Variants in SLC7A5 observed in about 807,000 individuals in gnomAD.
SLC7A5 encodes large neutral amino acids transporter small subunit 1.
Under a neutral mutation model 50.2 loss-of-function variants are expected in SLC7A5, and 23 were observed. The observed-to-expected ratio is 0.46, with a 90% CI of 0.33 to 0.65. The LOEUF (loss-of-function observed/expected upper bound fraction) is 0.65, where lower values mean the gene tolerates loss of function less well. Among genes scored for constraint, SLC7A5 ranks in the 30% least tolerant of loss-of-function variants. The pLI, the probability that SLC7A5 is intolerant of heterozygous loss-of-function variation, is 0.02. For synonymous variants in SLC7A5, 393 were observed against 330.6 expected (o/e 1.19, Z -2.05); for missense variants, 578 against 684.4 (o/e 0.84, Z 1.73).
rs2055388126 is a variant in SLC7A5 at position 87,860,781 on chromosome 16, C to G, written c.538+8104G>C. Among the ~76,000 whole-genome samples, 1 of 152,178 alleles carries G rather than the reference C, an allele frequency of 6.6e-6. No homozygotes were observed. Among genetic ancestry groups the G allele is most frequent in the African/African-American group, 2.4e-5 (1 of 41,442 alleles). On this transcript the variant is annotated intron_variant, in intron 1 of 9. Transcript: ENST00000261622. This position sits in a 1 kb window ranked among gnomAD's most constrained non-coding sequence, Gnocchi z 4.8. ...AGTTTGCGGGCGTCACGCTCCAAGG[C>G]CCAGAATAGGAGGTCGGTGCTCATT...
At chr16:87,857,503 G>A (rs867482986) in intron 1 of SLC7A5, among the ~76,000 whole-genome samples, 4 of 152,338 alleles carry the variant, frequency 2.6e-5, no homozygotes, top group African/African-American at 4.8e-5. Flanking sequence ...GGCTGGTCTC[G>A]AACTCCTGAC....
At chr16:87,864,137 A>G (rs1343178911) in intron 1 of SLC7A5, among the ~76,000 whole-genome samples, 1 of 150,694 alleles carries the variant, frequency 6.6e-6, no homozygotes, top group African/African-American at 2.4e-5. Context: ...ACTAAAAAAT[A>G]CAAAATCAGC....
intron 2 of SLC7A5, among the ~76,000 whole-genome samples, chr16:87,846,095 A>T (rs1047740394): frequency 7.9e-5 from 12 of 152,222 alleles, no homozygotes; most frequent in African/African-American, 2.9e-4. Context: ...TGAGTCGCGA[A>T]GTACCCACCC....
chr16:87,869,258 G>A lies in SLC7A5; in HGVS notation c.165C>T (p.Gly55=), dbSNP rs1291380522. Reference sequence around the variant, plus strand: ...TAATGGTCCCCACGATGATGGCCACGCCGTTGAGCAGCGTGATGTTCCGCT... The same window carrying A: ...TAATGGTCCCCACGATGATGGCCACACCGTTGAGCAGCGTGATGTTCCGCT... ...TLQRNITLLN[G]VAIIVGTIIG... is the part of the protein sequence containing the mutation. Residue 55 remains glycine (G), a synonymous_variant, in exon 1 of 10, where the codon GGC becomes GGT. Coordinates refer to ENST00000261622, the MANE Select transcript of SLC7A5 (RefSeq NM_003486.7). The A allele has an allele frequency of 6.2e-7, 1 of 1,612,620 alleles. No individual in the cohort carries two copies. The highest frequency in any genetic ancestry group is 8.5e-7 in the Non-Finnish European group (1 of 1,179,860).
In SLC7A5 at chr16:87,840,436, G is replaced by C; in HGVS notation, c.808C>G (p.Pro270Ala). 1 of 1,611,952 alleles carries C rather than the reference G, an allele frequency of 6.2e-7. No individual in the cohort carries two copies. Among genetic ancestry groups the C allele is most frequent in the Non-Finnish European group, 8.5e-7 (1 of 1,178,016 alleles). The stretch of plus-strand genomic sequence containing the variant: ...ATCCATTCTTGCACGTACCTGTAGG[G>C]GTTGATCATTTCCTCTGTGACGAAA... ...LNFVTEEMIN[P>A]YRNLPLAIII... Residue 270 changes from proline to alanine, a missense_variant, in exon 4 of 10, where the codon CCC becomes GCC. Pro to Ala is a conservative substitution (Grantham distance 27). Coordinates refer to ENST00000261622, the MANE Select transcript of SLC7A5 (RefSeq NM_003486.7).
rs974094430 is a variant in SLC7A5, at chr16:87,860,861, C to T, written c.538+8024G>A. ...GGGAGGGGCGGGCAATGCCAGAGAA[C>T]GGTCCCCACCTGGGGTGGTCTGACG... On this transcript the variant is annotated intron_variant, in intron 1 of 9. Transcript: ENST00000261622. The surrounding 1 kb of genome is among the most constrained non-coding windows in gnomAD (Gnocchi z 4.8). Among the ~76,000 whole-genome samples, 11 of 152,182 alleles carry T rather than the reference C, an allele frequency of 7.2e-5. No individual in the cohort carries two copies. Among genetic ancestry groups the T allele is most frequent in the Middle Eastern group, 3.2e-3 (1 of 316 alleles).
chr16:87,830,087 C>T lies in SLC7A5; in HGVS notation c.*2883G>A, dbSNP rs2054918673. On this transcript the variant is annotated 3_prime_UTR_variant, in exon 10 of 10. Transcript: ENST00000261622. ...AAAAAAGCCAGAACACCCTACCCAA[C>T]CCAGCCCAGTGTAACAGGTTAGCCA... The T allele has an allele frequency of 6.6e-6, 1 of 152,214 alleles. No homozygotes were observed. Among genetic ancestry groups the T allele is most frequent in the African/African-American group, 2.4e-5 (1 of 41,454 alleles). 9.4% of individuals were successfully genotyped at this position (152,214 alleles called of 1,614,324 possible). A position where few individuals can be genotyped will look rare whatever the true frequency, so the allele number is the denominator to read the frequency against.
chr16:87,845,848 C>T (rs926146524), intron 2 of SLC7A5, among the ~76,000 whole-genome samples: 13 of 152,322 alleles, frequency 8.5e-5, no homozygotes, highest in African/African-American at 2.9e-4. Context: ...TCTGTCCATG[C>T]GTCTGACGAA....
chr16:87,859,406 T>C (rs943444477), intron 1 of SLC7A5, among the ~76,000 whole-genome samples: 38 of 152,180 alleles, frequency 2.5e-4, no homozygotes, highest in African/African-American at 9.2e-4. Context: ...GGGACAAAGC[T>C]GGACTGGCCC....
chr16:87,845,688 A>G (rs1358867343), intron 2 of SLC7A5, among the ~76,000 whole-genome samples: 4 of 152,228 alleles, frequency 2.6e-5, no homozygotes, highest in Admixed American at 6.5e-5. Flanking sequence ...GACCACCAGC[A>G]GTGTCTGTCG....
intron 1 of SLC7A5, among the ~76,000 whole-genome samples, chr16:87,865,978 G>A (rs2055455815): frequency 1.3e-5 from 2 of 152,128 alleles, no homozygotes; most frequent in African/African-American, 4.8e-5. Flanking sequence ...CAACGAGCCT[G>A]GGCAACAGAC....
At chr16:87,849,489 A>G (rs1204936456) in intron 2 of SLC7A5, among the ~76,000 whole-genome samples, 1 of 152,170 alleles carries the variant, frequency 6.6e-6, no homozygotes, top group African/African-American at 2.4e-5. Flanking sequence ...TGCTCTCCCT[A>G]CCGAAATTTG....
chr16:87,841,807 A>G lies in SLC7A5; in HGVS notation c.665-652T>C, dbSNP rs538015257. Among the ~76,000 whole-genome samples the G allele has an allele frequency of 2.6e-5, 4 of 152,358 alleles. No homozygotes were observed. In the South Asian group the frequency reaches 8.3e-4, roughly 32 times the overall value. On this transcript the variant is annotated intron_variant, in intron 2 of 9. Coordinates refer to ENST00000261622, the MANE Select transcript of SLC7A5 (RefSeq NM_003486.7). This position sits in a 1 kb window ranked among gnomAD's most constrained non-coding sequence, Gnocchi z 4.8. ...GCCCTCTGAGGACACGCGTCACTGG[A>G]CTTCGTGACTGCTCCACCCTATTCC...
In SLC7A5 at chr16:87,841,211, C is replaced by A; in HGVS notation, c.665-56G>T. Reference sequence around the variant, plus strand: ...TAGAGAGCGCTGAACAGAGGTCATGCTACCAGTTCTAGAATGTTCCTGGAG... The same window carrying A: ...TAGAGAGCGCTGAACAGAGGTCATGATACCAGTTCTAGAATGTTCCTGGAG... On this transcript the variant is annotated intron_variant, in intron 2 of 9. Transcript: ENST00000261622. The surrounding 1 kb of genome is among the most constrained non-coding windows in gnomAD (Gnocchi z 4.8). The A allele has an allele frequency of 4.3e-6, 5 of 1,160,402 alleles. No homozygotes were observed. Among genetic ancestry groups the A allele is most frequent in the Non-Finnish European group, 6.5e-6 (5 of 767,706 alleles). The allele number at this position is 1,160,402 out of a possible 1,614,324, so 71.9% of individuals were successfully genotyped here. A position where few individuals can be genotyped will look rare whatever the true frequency, so the allele number is the denominator to read the frequency against.
chr16:87,869,463 G>T lies in SLC7A5; in HGVS notation c.-41C>A, dbSNP rs934357026. 8 of 1,325,318 alleles carry T rather than the reference G, an allele frequency of 6.0e-6. No homozygotes were observed. The African/African-American group carries it at 6.3e-5, about 10-fold the overall frequency. 82.1% of individuals were successfully genotyped at this position (1,325,318 alleles called of 1,614,324 possible). On this transcript the variant is annotated 5_prime_UTR_variant, in exon 1 of 10. Transcript: ENST00000261622. ...CGGGCCTGGGACACCCGGGAGCCGC[G>T]GCCCAGCGAGCAGTGTGCGCGCCGC...
At chr16:87,849,563 A>G (rs1374238126) in intron 2 of SLC7A5, among the ~76,000 whole-genome samples, 1 of 152,216 alleles carries the variant, frequency 6.6e-6, no homozygotes. Context: ...GCAGCCAAGC[A>G]AAGGCCTTCA....
rs904343234 is a variant in SLC7A5, at chr16:87,853,099, G to A, written c.539-1250C>T. Reference sequence around the variant, plus strand: ...GGTGAGAGCATCAGAAAGGCCGTGGGCTCCTCTTCTCTCTTTCCCCTTGGG... The same window carrying A: ...GGTGAGAGCATCAGAAAGGCCGTGGACTCCTCTTCTCTCTTTCCCCTTGGG... On this transcript the variant is annotated intron_variant, in intron 1 of 9. Coordinates refer to ENST00000261622, the MANE Select transcript of SLC7A5 (RefSeq NM_003486.7). This position sits in a 1 kb window ranked among gnomAD's most constrained non-coding sequence, Gnocchi z 4.4. 4.0e-5 allele frequency among the ~76,000 whole-genome samples: 6 copies of A among 151,740 alleles called. No individual in the cohort carries two copies. Among genetic ancestry groups the A allele is most frequent in the Admixed American group, 3.9e-4 (6 of 15,274 alleles).
intron 1 of SLC7A5, among the ~76,000 whole-genome samples, chr16:87,856,815 G>T (rs928406658): frequency 1.4e-4 from 22 of 152,232 alleles, no homozygotes; most frequent in African/African-American, 5.3e-4. Context: ...CATCTCCCGT[G>T]TCATCCCCCG....
In SLC7A5 at chr16:87,836,725, T is replaced by C. The variant is rs2055009039; in HGVS notation, c.1141-78A>G. ...GACGGCCGTGGTGGCCACCGGGGAC[T>C]GTCCAGCCTGGCTGGGCCCAGCTGA... On this transcript the variant is annotated intron_variant, in intron 7 of 9. Coordinates refer to ENST00000261622, the MANE Select transcript of SLC7A5 (RefSeq NM_003486.7). 7 of 1,520,612 alleles carry C rather than the reference T, an allele frequency of 4.6e-6. No homozygotes were observed. In the Admixed American group the frequency reaches 5.0e-5, roughly 11 times the overall value. The allele number at this position is 1,520,612 out of a possible 1,614,324, so 94.2% of individuals were successfully genotyped here.
Sources: allele counts gnomAD v4.1 joint callset (sites outside exome capture counted in the v4.1 genomes callset), GRCh38; gene constraint gnomAD v4.1.1; non-coding constraint Gnocchi (gnomAD v3.1); transcripts MANE v1.5; gene names NCBI Gene and HGNC (gene_info 2026-07-23, HGNC 2026-07-21).